GPR89B: variants seen among roughly 807,000 people sequenced by gnomAD.
GPR89B encodes the protein G protein-coupled receptor 89B.
In GPR89B, 25 loss-of-function variants were observed where a neutral mutation model predicts 52.4. The ratio of observed to expected loss-of-function variants is 0.48; its 90% CI spans 0.35 to 0.67. GPR89B has a LOEUF of 0.67. Ranked by LOEUF, GPR89B falls within the 30% of genes least tolerant of loss-of-function variation. GPR89B has a pLI of 0.01. For synonymous variants in GPR89B, 52 were observed against 151.2 expected, an observed-to-expected ratio of 0.34 and a Z score of 4.81; for missense variants, 146 against 450.2, an observed-to-expected ratio of 0.32 and a Z score of 6.11.
chr1:148,021,888 CT>C, the GPR89B span: 61 of 147,698 alleles, frequency 4.1e-4, no homozygotes, highest in African/African-American at 1.5e-3. Flanking sequence ...GGTTTCACCC[CT>C]GTTTTCATCT....
At chr1:147,943,578 T>A in intron 4 of GPR89B, 34 bp downstream of exon 4, 1 of 1,611,258 alleles carries the variant, frequency 6.2e-7, no homozygotes, top group South Asian at 1.1e-5. Flanking sequence ...AGCGTATAGA[T>A]TGAGATGAGT....
downstream of GPR89B, chr1:147,994,199 A>G: frequency 6.4e-7 from 1 of 1,572,190 alleles, no homozygotes; most frequent in Non-Finnish European, 8.7e-7. Flanking sequence ...TTTCTTCTAA[A>G]GAGACAGTAA....
At chr1:148,011,628 G>A in the GPR89B span, 1 of 152,202 alleles carries the variant, frequency 6.6e-6, no homozygotes, top group African/African-American at 2.4e-5. Flanking sequence ...GGGGAGCAGT[G>A]GAGATGAGGG....
At chr1:148,020,968 G>T in the GPR89B span, among the ~76,000 whole-genome samples, 7 of 151,686 alleles carry the variant, frequency 4.6e-5, no homozygotes, top group East Asian at 1.9e-4. Context: ...GATTACAGGC[G>T]TGAGCCCGGG....
At chr1:147,946,739 A>G (rs1655006677) in intron 5 of GPR89B, among the ~76,000 whole-genome samples, 2 of 152,294 alleles carry the variant, frequency 1.3e-5, no homozygotes, top group South Asian at 4.1e-4. Flanking sequence ...GATGAAGGCC[A>G]TTGTATCTAT....
intron 5 of GPR89B, among the ~76,000 whole-genome samples, chr1:147,950,887 A>G (rs1347152056): frequency 1.3e-5 from 2 of 152,228 alleles, no homozygotes; most frequent in Admixed American, 6.5e-5. Flanking sequence ...GCAGCAGTAC[A>G]GTCCAGCTTC....
intron 3 of GPR89B, among the ~76,000 whole-genome samples, chr1:147,942,035 CA>C (rs1654595214): frequency 6.6e-6 from 1 of 150,626 alleles, no homozygotes; most frequent in Non-Finnish European, 1.5e-5. Flanking sequence ...ATTCCAAAAA[CA>C]AGAGAAAATT....
At chr1:147,977,491 T>TTGGCCTGTCTTGCTAGCTTGAAGAAGTTC (rs1657929902) in intron 10 of GPR89B, among the ~76,000 whole-genome samples, 2 of 151,936 alleles carry the variant, frequency 1.3e-5, no homozygotes, top group African/African-American at 4.9e-5. Flanking sequence ...AATTTGAATG[T>TTGGCCTGTCTTGCTAGCTTGAAGAAGTTC]TGGCCTGTCT....
chr1:147,933,067 TAA>T (rs1222890484), intron 1 of GPR89B, among the ~76,000 whole-genome samples: 1 of 152,202 alleles, frequency 6.6e-6, no homozygotes, highest in African/African-American at 2.4e-5. Context: ...AAATGCTCAA[TAA>T]AAGTTACCTA....
intron 10 of GPR89B, among the ~76,000 whole-genome samples, chr1:147,981,747 G>A (rs1658269179): frequency 6.6e-6 from 1 of 151,674 alleles, no homozygotes; most frequent in Non-Finnish European, 1.5e-5. Context: ...CTGCCTCCTG[G>A]GTTCAAGCGA....
intron 10 of GPR89B, among the ~76,000 whole-genome samples, chr1:147,975,186 A>G (rs1438374036): frequency 7.5e-6 from 1 of 133,892 alleles, no homozygotes; most frequent in African/African-American, 2.8e-5. Flanking sequence ...AGCTGGCCTC[A>G]TAAAATGAGT....
At chr1:147,978,082 G>A (rs1444335301) in intron 10 of GPR89B, among the ~76,000 whole-genome samples, 1 of 150,544 alleles carries the variant, frequency 6.6e-6, no homozygotes, top group Non-Finnish European at 1.5e-5. Flanking sequence ...CTGGCTTTTT[G>A]AGTTGTCACC....
chr1:147,942,122 A>G (rs1168510494), intron 3 of GPR89B, among the ~76,000 whole-genome samples: 1 of 152,158 alleles, frequency 6.6e-6, no homozygotes, highest in African/African-American at 2.4e-5. Context: ...GTTTAATAAT[A>G]TAATACAATT....
rs370678417 is a variant in GPR89B at position 147,943,544 on chromosome 1, C to T, written c.313C>T (p.Leu105=). 127 of 1,613,198 alleles carry T rather than the reference C, an allele frequency of 7.9e-5. 1 individual carries two copies. The Middle Eastern group carries it at 9.9e-4, about 13-fold the overall frequency. ...TTTTATTGTGAGCAATATCCGACTA[C>T]GTAAGTATTTTACCCTCTCAGTCAG... is the stretch of plus-strand genomic sequence containing the variant. ...GYFIVSNIRL[L]HKQRLLFSCL... is the part of the protein sequence containing the mutation. The change falls in exon 4 of 14, where the codon CTG becomes TTG. Residue 105 remains leucine (L), a splice_region_variant and synonymous_variant. Coordinates refer to ENST00000314163, the MANE Select transcript of GPR89B (RefSeq NM_016334.5).
At chr1:147,995,484 T>G, downstream of GPR89B, 1 of 1,268,872 alleles carries the variant, frequency 7.9e-7, no homozygotes, top group South Asian at 1.4e-5. Flanking sequence ...TACATTGTCA[T>G]TTTCTAGTTT....
intron 10 of GPR89B, among the ~76,000 whole-genome samples, chr1:147,970,502 T>TCTCTCCCTCC (rs1558058804): frequency 7.3e-6 from 1 of 136,772 alleles, no homozygotes; most frequent in African/African-American, 3.4e-5. Flanking sequence ...TCTCTCTCTC[T>TCTCTCCCTCC]CTCTCTCTCT....
chr1:148,003,196 TAAC>T, the GPR89B span, among the ~76,000 whole-genome samples: 1 of 151,984 alleles, frequency 6.6e-6, no homozygotes, highest in Non-Finnish European at 1.5e-5. Context: ...GAAAAGAAAA[TAAC>T]AACTTATGGG....
At chr1:148,015,533 A>C in the GPR89B span, among the ~76,000 whole-genome samples, 892 of 145,430 alleles carry the variant, frequency 6.1e-3, 18 homozygotes, top group African/African-American at 0.022. Context: ...CCAGGATGGT[A>C]TCAATCTCCT....
At chr1:147,954,888 T>C (rs1167690739) in intron 7 of GPR89B, among the ~76,000 whole-genome samples, 1 of 152,074 alleles carries the variant, frequency 6.6e-6, no homozygotes, top group African/African-American at 2.4e-5. Context: ...TCACCTCACA[T>C]GTTTATTTTT....
Sources: allele counts gnomAD v4.1 joint callset (sites outside exome capture counted in the v4.1 genomes callset), GRCh38; gene constraint gnomAD v4.1.1; transcripts MANE v1.5; gene names NCBI Gene and HGNC (gene_info 2026-07-23, HGNC 2026-07-21).